ANKMY1: variants seen among roughly 807,000 people sequenced by gnomAD.
The protein encoded by ANKMY1 is ankyrin repeat and MYND domain-containing protein 1.
In ANKMY1, 98 loss-of-function variants were observed where a neutral mutation model predicts 102.0. The ratio of observed to expected loss-of-function variants is 0.96; its 90% confidence interval spans 0.82 to 1.14. The LOEUF (loss-of-function observed/expected upper bound fraction) is 1.14, where lower values mean the gene tolerates loss of function less well. Ranked by LOEUF, ANKMY1 falls within the 50% of genes most tolerant of loss-of-function variation. The pLI is 0.00. For missense variants in ANKMY1, 1,330 were observed against 1,347.6 expected, an observed-to-expected ratio of 0.99 and a Z score of 0.20; for synonymous variants, 582 against 559.9, an observed-to-expected ratio of 1.04 and a Z score of -0.56.
At position 240,557,225 on chromosome 2, in the gene ANKMY1, C is replaced by G; in HGVS notation, c.111G>C (p.Pro37=). The G allele has an allele frequency of 1.9e-6, 3 of 1,586,278 alleles. No individual in the cohort carries two copies. Among genetic ancestry groups the G allele is most frequent in the South Asian group, 1.1e-5 (1 of 87,990 alleles). The change falls in exon 2 of 18, where the codon CCG becomes CCC. Residue 37 remains proline, a synonymous_variant. Transcript: ENST00000401804. ...KGGETPAAEE[P]GSLKNYAVFA... ...AGACAGCGTAGTTCTTCAGGGACCC[C>G]GGCTCCTCGGCAGCAGGGGTCTCGC...
At position 240,484,463 on chromosome 2, in the gene ANKMY1, T is replaced by C. The variant is rs571059004; in HGVS notation, c.2807-2202A>G. On this transcript the variant is annotated intron_variant, in intron 15 of 17. Coordinates refer to ENST00000401804, the MANE Select transcript of ANKMY1 (RefSeq NM_001282771.3). ...ACAAGCAATGGGGGAAATGATTCCCTATTTAATAAATGGTGTTGGGAAAAC... is the reference window on the plus strand; with the variant it reads ...ACAAGCAATGGGGGAAATGATTCCCCATTTAATAAATGGTGTTGGGAAAAC... 7.9e-5 allele frequency among the ~76,000 whole-genome samples: 12 copies of C among 152,362 alleles called. No individual in the cohort carries two copies. The South Asian group carries it at 2.5e-3, about 32-fold the overall frequency.
At chr2:240,546,289 A>C (rs1266081502) in intron 4 of ANKMY1, among the ~76,000 whole-genome samples, 3 of 150,410 alleles carry the variant, frequency 2.0e-5, no homozygotes, top group African/African-American at 7.3e-5. Context: ...GAAATAAAAT[A>C]CTTTACAGAC....
At chr2:240,490,757 A>G (rs1167258729) in intron 15 of ANKMY1, among the ~76,000 whole-genome samples, 1 of 152,166 alleles carries the variant, frequency 6.6e-6, no homozygotes, top group East Asian at 1.9e-4. Flanking sequence ...CGTATGGTCT[A>G]TCCTGGAGGA....
intron 4 of ANKMY1, among the ~76,000 whole-genome samples, chr2:240,544,621 CAGACAGTGGGCGCA>C (rs2152543245): frequency 6.6e-6 from 1 of 152,326 alleles, no homozygotes; most frequent in South Asian, 2.1e-4. Context: ...TAGGGAGTGC[CAGACAGTGGGCGCA>C]GGTCAGTGGG....
rs558747468 is a variant in ANKMY1 at position 240,556,183 on chromosome 2, TTGGGAAAAGGGCTTG to T, written c.146+992_146+1006del. 2.6e-3 allele frequency among the ~76,000 whole-genome samples: 391 copies of T among 152,262 alleles called. 1 individual carries two copies. The highest frequency in any genetic ancestry group is 6.8e-3 in the Middle Eastern group (2 of 294). Reference sequence around the variant, plus strand: ...CCCAGCCACCTCCCAAAGCCCATTGTTGGGAAAAGGGCTTGTGGGAAAAGGGCTTGTGGGGTGCCT... The same window carrying T: ...CCCAGCCACCTCCCAAAGCCCATTGTTGGGAAAAGGGCTTGTGGGGTGCCT... On this transcript the variant is annotated intron_variant, in intron 2 of 17. Coordinates refer to ENST00000401804, the MANE Select transcript of ANKMY1 (RefSeq NM_001282771.3).
chr2:240,504,780 G>A (rs994352856), intron 13 of ANKMY1, among the ~76,000 whole-genome samples: 3 of 152,080 alleles, frequency 2.0e-5, no homozygotes, highest in African/African-American at 7.2e-5. Context: ...GCCAAGACAG[G>A]TGGATCGCTT....
intron 8 of ANKMY1, among the ~76,000 whole-genome samples, chr2:240,521,377 G>A (rs762445458): frequency 4.6e-5 from 7 of 151,928 alleles, no homozygotes; most frequent in Non-Finnish European, 8.8e-5. Flanking sequence ...CTTGTCTGCC[G>A]CTACCATGTA....
intron 9 of ANKMY1, chr2:240,519,925 T>C (rs2081865596): frequency 3.6e-6 from 1 of 279,732 alleles, no homozygotes; most frequent in South Asian, 3.3e-5. Flanking sequence ...TTTTCTCAGC[T>C]AAATATTTTG....
At position 240,557,865 on chromosome 2, in the gene ANKMY1, T is replaced by G; in HGVS notation, c.-18+16A>C. 1 of 985,166 alleles carries G rather than the reference T, an allele frequency of 1.0e-6. No homozygotes were observed. The highest frequency in any genetic ancestry group is 1.2e-6 in the Non-Finnish European group (1 of 829,878). 61.0% of individuals were successfully genotyped at this position (985,166 alleles called of 1,614,324 possible). A position where few individuals can be genotyped will look rare whatever the true frequency, so the allele number is the denominator to read the frequency against. On this transcript the variant is annotated intron_variant, in intron 1 of 17. Transcript: ENST00000401804. ...CCCTAGCCCCGGCTCCCAGCGCTCC[T>G]GTCGCGAGACCGCACCAAGCAAGAC...
At chr2:240,560,044 A>G (rs573934496), upstream of ANKMY1, 1 of 152,534 alleles carries the variant, frequency 6.6e-6, no homozygotes, top group South Asian at 2.1e-4. Context: ...AAACAGCAAA[A>G]GGAATAGTGT....
At chr2:240,557,549 T>C in intron 1 of ANKMY1, 197 bp from the exon 2 acceptor site, 1 of 528,344 alleles carries the variant, frequency 1.9e-6, no homozygotes, top group Non-Finnish European at 3.0e-6. Flanking sequence ...GTCGGAACCA[T>C]GGGTAAACTT....
In ANKMY1 at chr2:240,494,569, C is replaced by T. The variant is rs554175931; in HGVS notation, c.2806+5389G>A. Among the ~76,000 whole-genome samples the T allele has an allele frequency of 1.6e-4, 25 of 152,254 alleles. No individual in the cohort carries two copies. In the South Asian group the frequency reaches 4.8e-3, roughly 29 times the overall value. ...TTGAGTTTCCATAATACTCCACAGT[C>T]CCAGGGCCACTGGGTCCCAGGACAG... On this transcript the variant is annotated intron_variant, in intron 15 of 17. Coordinates refer to ENST00000401804, the MANE Select transcript of ANKMY1 (RefSeq NM_001282771.3).
chr2:240,498,005 G>C (rs1024505274), intron 15 of ANKMY1, among the ~76,000 whole-genome samples: 1 of 152,234 alleles, frequency 6.6e-6, no homozygotes, highest in African/African-American at 2.4e-5. Flanking sequence ...ATCCTCAGGG[G>C]TGTCATGCCC....
chr2:240,491,894 A>G (rs78205760), intron 15 of ANKMY1, among the ~76,000 whole-genome samples: 5,343 of 152,172 alleles, frequency 0.035, 127 homozygotes, highest in South Asian at 0.08. Context: ...AAGATCTTTT[A>G]TCATTGTATC....
chr2:240,556,615 C>G (rs2092375998), intron 2 of ANKMY1, among the ~76,000 whole-genome samples: 1 of 152,210 alleles, frequency 6.6e-6, no homozygotes, highest in Non-Finnish European at 1.5e-5. Flanking sequence ...GAACTCTGAG[C>G]CCTTTGCAGC....
chr2:240,526,261 C>T lies in ANKMY1; in HGVS notation c.1138G>A (p.Ala380Thr), dbSNP rs148452586. 1.1e-5 allele frequency: 17 copies of T among 1,613,992 alleles called. No homozygotes were observed. Among genetic ancestry groups the T allele is most frequent in the African/African-American group, 9.3e-5 (7 of 74,924 alleles). The change falls in exon 6 of 18, where the codon GCA becomes ACA. Residue 380 changes from alanine (A) to threonine (T), a missense_variant. Ala to Thr is a moderately conservative substitution (Grantham distance 58). Transcript: ENST00000401804. ...DNFASADVAD[A>T]KGYTVLAAAA... ...GCAGCAAGCACAGTGTAGCCCTTTG[C>T]GTCCGCCACGTCAGCACTAGCAAAG...
At chr2:240,530,749 C>CA (rs1304436700) in intron 4 of ANKMY1, among the ~76,000 whole-genome samples, 2 of 152,126 alleles carry the variant, frequency 1.3e-5, no homozygotes. Context: ...CCAATCTCCA[C>CA]AAAAAAATTT....
chr2:240,474,262 ATTTT>A, the ANKMY1 span, among the ~76,000 whole-genome samples: 260 of 90,984 alleles, frequency 2.9e-3, 3 homozygotes, highest in Admixed American at 4.7e-3. Flanking sequence ...TGCCTGGCTA[ATTTT>A]TTTTTTTTTT....
intron 4 of ANKMY1, among the ~76,000 whole-genome samples, chr2:240,542,312 C>T (rs1019727462): frequency 7.9e-5 from 12 of 151,770 alleles, no homozygotes; most frequent in Admixed American, 4.6e-4. Flanking sequence ...CAAGACTAGC[C>T]TGGCCAAGAT....
Sources: gnomAD v4.1 joint callset for allele counts (sites outside exome capture counted in the v4.1 genomes callset) on GRCh38, gnomAD v4.1.1 for gene constraint, MANE v1.5 for transcripts, NCBI Gene and HGNC (gene_info 2026-07-23, HGNC 2026-07-21) for gene names.